Variants in ABCB9 observed in about 807,000 individuals in gnomAD.
ABCB9 encodes ABC-type oligopeptide transporter ABCB9.
Under a neutral mutation model 62.0 loss-of-function variants are expected in ABCB9, and 36 were observed. The ratio of observed to expected loss-of-function variants is 0.58; its 90% CI spans 0.45 to 0.77. The LOEUF (loss-of-function observed/expected upper bound fraction) is 0.77, where lower values mean the gene tolerates loss of function less well. ABCB9 is among the 30% of genes least tolerant of loss of function. ABCB9 has a pLI of 0.00. For synonymous variants in ABCB9, 435 were observed against 461.4 expected (o/e 0.94, Z 0.73); for missense variants, 943 against 1,054.7 (o/e 0.89, Z 1.47).
At chr12:122,961,702 G>A (rs1213742360) in intron 1 of ABCB9, among the ~76,000 whole-genome samples, 1 of 152,152 alleles carries the variant, frequency 6.6e-6, no homozygotes, top group Non-Finnish European at 1.5e-5. Flanking sequence ...AGTATCTGGA[G>A]GATTTTGCAT....
chr12:122,934,306 G>A (rs1003189155), intron 10 of ABCB9, among the ~76,000 whole-genome samples: 1 of 151,916 alleles, frequency 6.6e-6, no homozygotes, highest in African/African-American at 2.4e-5. Flanking sequence ...TATTCCTAAG[G>A]GAAAATTTTT....
Position 122,932,020 on chromosome 12 carries a change from G to GTGGC in ABCB9, c.2040+168_2040+171dup. ...CTGGAGCCTGGAGGCTGGGTCCAGA[G>GTGGC]TGGCTCCTGGCTCCCCACTCTCAAC... is the stretch of plus-strand genomic sequence containing the variant. On this transcript the variant is annotated intron_variant, in intron 11 of 11. Coordinates refer to ENST00000280560, the MANE Select transcript of ABCB9 (RefSeq NM_019625.4). The surrounding 1 kb of genome is among the most constrained non-coding windows in gnomAD (Gnocchi z 4.7). The GTGGC allele has an allele frequency of 1.6e-5, 19 of 1,180,016 alleles. No individual in the cohort carries two copies. The South Asian group carries it at 2.4e-4, about 15-fold the overall frequency. 73.1% of individuals were successfully genotyped at this position (1,180,016 alleles called of 1,614,324 possible).
At chr12:122,953,215 ATT>A (rs145121710) in intron 2 of ABCB9, 10 of 138,822 alleles carry the variant, frequency 7.2e-5, no homozygotes, top group South Asian at 2.3e-4. Context: ...TACCACATAC[ATT>A]TTTTTTTTTT....
intron 6 of ABCB9, among the ~76,000 whole-genome samples, chr12:122,945,424 G>A (rs2135831843): frequency 6.6e-6 from 1 of 152,212 alleles, no homozygotes; most frequent in South Asian, 2.1e-4. Context: ...GCCAGACACT[G>A]TCGGGAGTGT....
intron 10 of ABCB9, among the ~76,000 whole-genome samples, chr12:122,933,479 G>A (rs977386267): frequency 2.0e-5 from 3 of 151,944 alleles, no homozygotes; most frequent in Non-Finnish European, 4.4e-5. Context: ...ACTTGAACCC[G>A]GGAGGAAGAG....
At position 122,946,010 on chromosome 12, in the gene ABCB9, G is replaced by A; in HGVS notation, c.1251+15C>T. 6.2e-7 allele frequency: 1 copy of A among 1,612,242 alleles called. No homozygotes were observed. The highest frequency in any genetic ancestry group is 1.7e-4 in the Middle Eastern group (1 of 6,016). On this transcript the variant is annotated intron_variant, in intron 6 of 11. Coordinates refer to ENST00000280560, the MANE Select transcript of ABCB9 (RefSeq NM_019625.4). Reference sequence around the variant, plus strand: ...ATCCCTCCACAGCCAGAGCTGCCTGGCCAGGGGCACGTACCCCGCTGCCCC... The same window carrying A: ...ATCCCTCCACAGCCAGAGCTGCCTGACCAGGGGCACGTACCCCGCTGCCCC...
At position 122,929,285 on chromosome 12, in the gene ABCB9, G is replaced by A. The variant is rs1178051592; in HGVS notation, c.*626C>T. On this transcript the variant is annotated 3_prime_UTR_variant, in exon 12 of 12. Coordinates refer to ENST00000280560, the MANE Select transcript of ABCB9 (RefSeq NM_019625.4). The surrounding 1 kb of genome is among the most constrained non-coding windows in gnomAD (Gnocchi z 6.0). Reference sequence around the variant, plus strand: ...CCCTCACTCCCCCAGTTGAGGTTTCGTGTGGTTCACAGTGAGACTGGCTTA... The same window carrying A: ...CCCTCACTCCCCCAGTTGAGGTTTCATGTGGTTCACAGTGAGACTGGCTTA... 7 of 985,960 alleles carry A rather than the reference G, an allele frequency of 7.1e-6. No homozygotes were observed. The highest frequency in any genetic ancestry group is 5.2e-5 in the African/African-American group (3 of 57,264). 61.1% of individuals were successfully genotyped at this position (985,960 alleles called of 1,614,324 possible). A position where few individuals can be genotyped will look rare whatever the true frequency, so the allele number is the denominator to read the frequency against.
At chr12:122,919,859 TG>T (rs561220212), downstream of ABCB9, among the ~76,000 whole-genome samples, 1 of 151,644 alleles carries the variant, frequency 6.6e-6, no homozygotes, top group South Asian at 2.1e-4. Flanking sequence ...GACCTCCCCC[TG>T]GGTGACTCAT....
chr12:122,947,373 G>A lies in ABCB9; in HGVS notation c.1054-1151C>T, dbSNP rs2036097321. 2 of 388,882 alleles carry A rather than the reference G, an allele frequency of 5.1e-6. No individual in the cohort carries two copies. 24.1% of individuals were successfully genotyped at this position (388,882 alleles called of 1,614,324 possible). A position where few individuals can be genotyped will look rare whatever the true frequency, so the allele number is the denominator to read the frequency against. The stretch of plus-strand genomic sequence containing the variant: ...CCTGTGTGGCTGGAGAAGACTGTGG[G>A]GAGTGGCCTCACCGGGGGCTGGGTG... On this transcript the variant is annotated intron_variant, in intron 5 of 11. Coordinates refer to ENST00000280560, the MANE Select transcript of ABCB9 (RefSeq NM_019625.4). The surrounding 1 kb of genome is among the most constrained non-coding windows in gnomAD (Gnocchi z 6.0).
downstream of ABCB9, among the ~76,000 whole-genome samples, chr12:122,927,104 G>A (rs1347550614): frequency 6.6e-6 from 1 of 152,160 alleles, no homozygotes; most frequent in African/African-American, 2.4e-5. Context: ...GAAACTGTGA[G>A]GGGTGGGGCA....
downstream of ABCB9, among the ~76,000 whole-genome samples, chr12:122,920,001 G>A (rs575331467): frequency 4.0e-4 from 61 of 151,856 alleles, no homozygotes; most frequent in Middle Eastern, 6.8e-3. Context: ...CTGCCTCCCG[G>A]GTTCAAGTGA....
chr12:122,962,023 A>G (rs2036932949), intron 1 of ABCB9, among the ~76,000 whole-genome samples: 1 of 152,260 alleles, frequency 6.6e-6, no homozygotes, highest in Non-Finnish European at 1.5e-5. Context: ...CAGGCCACAC[A>G]GCAATCCAGA....
At chr12:122,963,660 G>C (rs752624713) in intron 1 of ABCB9, among the ~76,000 whole-genome samples, 1 of 152,050 alleles carries the variant, frequency 6.6e-6, no homozygotes, top group South Asian at 2.1e-4. Flanking sequence ...CTCTCCAGGA[G>C]GTAGGCACAA....
At chr12:122,921,805 A>C (rs185822236) in intron 11 of ABCB9, among the ~76,000 whole-genome samples, 17 of 152,282 alleles carry the variant, frequency 1.1e-4, no homozygotes, top group African/African-American at 3.6e-4. Flanking sequence ...TTAAAGAATT[A>C]ACCTCCTTCT....
chr12:122,961,186 T>G (rs891567302), intron 1 of ABCB9, among the ~76,000 whole-genome samples: 1 of 151,758 alleles, frequency 6.6e-6, no homozygotes, highest in Non-Finnish European at 1.5e-5. Context: ...ATCAATTTTA[T>G]TTTATTTATT....
At chr12:122,945,747 G>C (rs944494992) in intron 6 of ABCB9, among the ~76,000 whole-genome samples, 1 of 151,928 alleles carries the variant, frequency 6.6e-6, no homozygotes, top group African/African-American at 2.4e-5. Flanking sequence ...GCATGGTGGC[G>C]GGCGCCTGTG....
intron 5 of ABCB9, chr12:122,946,481 G>A (rs553950532): frequency 1.2e-4 from 64 of 528,022 alleles, no homozygotes; most frequent in African/African-American, 8.9e-4. Flanking sequence ...GGTGCTGATC[G>A]TTAAGTCATC....
At chr12:122,945,524 G>T in intron 6 of ABCB9, among the ~76,000 whole-genome samples, 1 of 152,162 alleles carries the variant, frequency 6.6e-6, no homozygotes, top group South Asian at 2.1e-4. Context: ...GCTGGGAAAA[G>T]AAAGCTCCCA....
intron 3 of ABCB9, 104 bp from the exon 4 acceptor site, chr12:122,950,022 C>A: frequency 1.3e-6 from 2 of 1,501,086 alleles, no homozygotes. Context: ...CCCACCGCAG[C>A]CCCACTCCAG....
Sources: gnomAD v4.1 joint callset for allele counts (sites outside exome capture counted in the v4.1 genomes callset) on GRCh38, gnomAD v4.1.1 for gene constraint, Gnocchi (gnomAD v3.1) non-coding constraint, MANE v1.5 for transcripts, NCBI Gene and HGNC (gene_info 2026-07-23, HGNC 2026-07-21) for gene names.